Variants in STAG1 observed in about 807,000 individuals in gnomAD.
STAG1 encodes the protein STAG1 cohesin complex component.
Under a neutral mutation model 170.9 loss-of-function variants are expected in STAG1, and 26 were observed. That is an observed-to-expected ratio of 0.15 (90% CI 0.11 to 0.21). STAG1 has a LOEUF of 0.21. STAG1 is among the 10% of genes least tolerant of loss of function. The pLI, the probability that STAG1 is intolerant of heterozygous loss-of-function variation, is 1.00. For missense variants in STAG1, 964 were observed against 1,509.5 expected (o/e 0.64, Z 5.99); for synonymous variants, 514 against 497.7 (o/e 1.03, Z -0.44).
At chr3:136,512,096 TAAAAAAAAA>T (rs35238532) in intron 7 of STAG1, among the ~76,000 whole-genome samples, 2 of 68,316 alleles carry the variant, frequency 2.9e-5, no homozygotes, top group East Asian at 4.5e-4. Context: ...CTCTACAAAA[TAAAAAAAAA>T]AAAAAAAAAA....
At chr3:136,653,403 T>C (rs776726599) in intron 1 of STAG1, among the ~76,000 whole-genome samples, 5 of 152,244 alleles carry the variant, frequency 3.3e-5, no homozygotes, top group Non-Finnish European at 7.3e-5. Flanking sequence ...CATTACATTC[T>C]CTTGGATGGG....
At chr3:136,559,590 T>C (rs1214857636) in intron 5 of STAG1, among the ~76,000 whole-genome samples, 3 of 152,194 alleles carry the variant, frequency 2.0e-5, no homozygotes, top group Non-Finnish European at 4.4e-5. Flanking sequence ...GTGCCCAAAC[T>C]GTGCACTGAG....
chr3:136,423,726 C>T (rs1382731667), intron 16 of STAG1, among the ~76,000 whole-genome samples: 1 of 152,106 alleles, frequency 6.6e-6, no homozygotes. Flanking sequence ...AGGGATTTGC[C>T]ATCATAATGT....
intron 5 of STAG1, among the ~76,000 whole-genome samples, chr3:136,544,445 C>T (rs918985946): frequency 6.6e-6 from 1 of 152,138 alleles, no homozygotes; most frequent in African/African-American, 2.4e-5. Flanking sequence ...AAATATAACA[C>T]AAGGCTCTTT....
intron 6 of STAG1, among the ~76,000 whole-genome samples, chr3:136,528,452 T>A (rs1935183096): frequency 7.0e-6 from 1 of 143,570 alleles, no homozygotes; most frequent in Non-Finnish European, 1.5e-5. Context: ...ACTTGACATC[T>A]CCAAAGGAAT....
chr3:136,621,000 C>T (rs1052853323), intron 3 of STAG1, among the ~76,000 whole-genome samples: 23 of 152,014 alleles, frequency 1.5e-4, no homozygotes, highest in Admixed American at 1.4e-3. Context: ...TGGTGGCGCA[C>T]GCCTGTAGTC....
Position 136,602,915 on chromosome 3 carries a change from T to C in STAG1, c.297+1394A>G, listed in dbSNP as rs559243739. On this transcript the variant is annotated intron_variant, in intron 4 of 33. Coordinates refer to ENST00000383202, the MANE Select transcript of STAG1 (RefSeq NM_005862.3). ...CAAATCTATTTTTATATTAAACTTA[T>C]ATAATTTAAATATTGTCATCCATTG... 2.6e-5 allele frequency among the ~76,000 whole-genome samples: 4 copies of C among 152,270 alleles called. No individual in the cohort carries two copies. In the South Asian group the frequency reaches 8.3e-4, roughly 32 times the overall value.
At chr3:136,735,374 C>T (rs866395367) in intron 1 of STAG1, among the ~76,000 whole-genome samples, 1 of 152,110 alleles carries the variant, frequency 6.6e-6, no homozygotes, top group African/African-American at 2.4e-5. Context: ...AATCCTCCTG[C>T]CTTGGCCTCC....
intron 5 of STAG1, among the ~76,000 whole-genome samples, chr3:136,551,345 T>C (rs557496243): frequency 7.1e-6 from 1 of 140,466 alleles, no homozygotes; most frequent in Admixed American, 7.2e-5. Context: ...CCTCCCAGAA[T>C]CAAGCAATCC....
intron 3 of STAG1, among the ~76,000 whole-genome samples, chr3:136,618,234 C>A (rs900065491): frequency 5.3e-5 from 8 of 152,166 alleles, no homozygotes; most frequent in Non-Finnish European, 1.2e-4. Context: ...CCACTCACCC[C>A]GTCACTCTCT....
Position 136,600,625 on chromosome 3 carries a change from G to A in STAG1, c.297+3684C>T, listed in dbSNP as rs148392287. Among the ~76,000 whole-genome samples, 16 of 152,222 alleles carry A rather than the reference G, an allele frequency of 1.1e-4. No homozygotes were observed. In the East Asian group the frequency reaches 2.1e-3, roughly 20 times the overall value. The stretch of plus-strand genomic sequence containing the variant: ...TGGCTCAATGCAACCTCTACCTCCC[G>A]GGTTCAAGCAATTCTCCTGCCTCAG... On this transcript the variant is annotated intron_variant, in intron 4 of 33. Coordinates refer to ENST00000383202, the MANE Select transcript of STAG1 (RefSeq NM_005862.3).
intron 1 of STAG1, among the ~76,000 whole-genome samples, chr3:136,648,999 A>G (rs1388496611): frequency 1.3e-5 from 2 of 152,206 alleles, no homozygotes; most frequent in African/African-American, 4.8e-5. Flanking sequence ...CAAAAATTTT[A>G]AGTTCTGGGT....
At chr3:136,709,725 A>ACC (rs34610413) in intron 1 of STAG1, among the ~76,000 whole-genome samples, 27,319 of 151,728 alleles carry the variant, frequency 0.18, 2,920 homozygotes, top group Non-Finnish European at 0.24. Flanking sequence ...ACAGAACAAG[A>ACC]CCCTCTCTCT....
chr3:136,712,772 G>T (rs1317029838), intron 1 of STAG1, among the ~76,000 whole-genome samples: 1 of 152,174 alleles, frequency 6.6e-6, no homozygotes, highest in African/African-American at 2.4e-5. Context: ...ATATCCAACA[G>T]AAATGGCTTC....
In STAG1 at chr3:136,338,084, TA is replaced by T; in HGVS notation, c.*169del. 1.7e-6 allele frequency: 1 copy of T among 579,564 alleles called. No individual in the cohort carries two copies. The highest frequency in any genetic ancestry group is 3.1e-6 in the Non-Finnish European group (1 of 323,188). 35.9% of individuals were successfully genotyped at this position (579,564 alleles called of 1,614,324 possible). On this transcript the variant is annotated 3_prime_UTR_variant, in exon 34 of 34. Transcript: ENST00000383202. ...TGACATTCACCAACATTCCCTTGGG[TA>T]ATTTACATGCTCCTCTTCTGTCACT...
At chr3:136,400,812 G>A (rs2087302401) in intron 21 of STAG1, among the ~76,000 whole-genome samples, 1 of 152,202 alleles carries the variant, frequency 6.6e-6, no homozygotes, top group African/African-American at 2.4e-5. Context: ...GGGATTACAG[G>A]TGTGAGCCAC....
chr3:136,637,872 A>ATT (rs769669998), intron 1 of STAG1, among the ~76,000 whole-genome samples: 67 of 141,038 alleles, frequency 4.8e-4, no homozygotes, highest in Non-Finnish European at 3.7e-4. Flanking sequence ...GTGTGAACAC[A>ATT]TTTTTTTTTT....
chr3:136,413,071 C>T (rs1222782264), intron 21 of STAG1, among the ~76,000 whole-genome samples: 5 of 151,172 alleles, frequency 3.3e-5, no homozygotes, highest in Non-Finnish European at 7.4e-5. Flanking sequence ...GCCATGTAGG[C>T]CAGGCTGGTC....
At chr3:136,338,657 CAA>C (rs1304374244) in intron 32 of STAG1, among the ~76,000 whole-genome samples, 1 of 152,180 alleles carries the variant, frequency 6.6e-6, no homozygotes, top group East Asian at 1.9e-4. Context: ...TTGGCAAAAA[CAA>C]GGCACAAAAC....
Sources: allele counts gnomAD v4.1 joint callset (sites outside exome capture counted in the v4.1 genomes callset), GRCh38; gene constraint gnomAD v4.1.1; transcripts MANE v1.5; gene names NCBI Gene and HGNC (gene_info 2026-07-23, HGNC 2026-07-21).